The following TADA1 variants were observed in gnomAD, a reference collection of about 807,000 sequenced individuals.
The protein encoded by TADA1 is transcriptional adapter 1.
TADA1 carries 23 observed loss-of-function variants against 39.3 expected under a neutral mutation model. That is an observed-to-expected ratio of 0.58 (90% CI 0.42 to 0.83). The LOEUF (loss-of-function observed/expected upper bound fraction) is 0.83. Ranked by LOEUF, TADA1 falls within the 40% of genes least tolerant of loss-of-function variation. The probability of loss-of-function intolerance (pLI) is 0.00; values close to 1 mark genes in which losing one functional copy is unlikely to be tolerated. For missense variants in TADA1, 352 were observed against 408.1 expected (o/e 0.86, Z 1.18); for synonymous variants, 137 against 151.8 (o/e 0.90, Z 0.72).
At chr1:166,869,714 C>A in intron 2 of TADA1, 49 bp downstream of exon 2, 1 of 1,572,422 alleles carries the variant, frequency 6.4e-7, no homozygotes, top group South Asian at 1.1e-5. Flanking sequence ...TACTACAAAT[C>A]TAGGAAAACT....
In TADA1 at chr1:166,862,320, G is replaced by A. The variant is rs1250717313; in HGVS notation, c.423C>T (p.His141=). 5 of 1,614,056 alleles carry A rather than the reference G, an allele frequency of 3.1e-6. No homozygotes were observed. Among genetic ancestry groups the A allele is most frequent in the Admixed American group, 1.7e-5 (1 of 60,006 alleles). ...QDDDDLKLCS[H]TMMLPTRGQL... ...GGCCTCGAGTGGGAAGCATCATTGT[G>A]TGGGAACAAAGTTTCAAGTCGTCAT... The change falls in exon 5 of 8, where the codon CAC becomes CAT. Residue 141 remains histidine (H), a synonymous_variant. Coordinates refer to ENST00000367874, the MANE Select transcript of TADA1 (RefSeq NM_053053.4).
intron 1 of TADA1, among the ~76,000 whole-genome samples, chr1:166,875,733 C>T (rs1658748806): frequency 6.6e-6 from 1 of 152,266 alleles, no homozygotes; most frequent in Admixed American, 6.5e-5. Flanking sequence ...CTCAACAGGC[C>T]TCCACCTCCA....
chr1:166,857,443 C>T lies in TADA1; in HGVS notation c.*124G>A. ...CAGCAACACAAAATGTACTCAATGT[C>T]ACATTTCCATAGGAAAGGTTATATA... is the stretch of plus-strand genomic sequence containing the variant. On this transcript the variant is annotated 3_prime_UTR_variant, in exon 8 of 8. Coordinates refer to ENST00000367874, the MANE Select transcript of TADA1 (RefSeq NM_053053.4). The T allele has an allele frequency of 9.0e-7, 1 of 1,113,244 alleles. No individual in the cohort carries two copies. The highest frequency in any genetic ancestry group is 1.6e-5 in the African/African-American group (1 of 63,180). 69.0% of individuals were successfully genotyped at this position (1,113,244 alleles called of 1,614,324 possible).
intron 3 of TADA1, among the ~76,000 whole-genome samples, chr1:166,866,516 AT>A (rs1658539033): frequency 6.6e-6 from 1 of 152,138 alleles, no homozygotes; most frequent in South Asian, 2.1e-4. Context: ...AAACAACTAT[AT>A]TTTACTTGTA....
intron 4 of TADA1, 145 bp downstream of exon 4, chr1:166,863,679 C>T: frequency 1.4e-6 from 1 of 729,886 alleles, no homozygotes; most frequent in Non-Finnish European, 2.3e-6. Flanking sequence ...AACTCACAAT[C>T]CTTGAAACGC....
Position 166,876,240 on chromosome 1 carries a change from G to A in TADA1, c.-7C>T, listed in dbSNP as rs561805604. On this transcript the variant is annotated 5_prime_UTR_variant, in exon 1 of 8. Coordinates refer to ENST00000367874, the MANE Select transcript of TADA1 (RefSeq NM_053053.4). ...CGCTCACAAAGGTCGCCATTGCTCC[G>A]CGTGTCTCAGCCCGACCGCAGACCG... 3 of 1,612,474 alleles carry A rather than the reference G, an allele frequency of 1.9e-6. No individual in the cohort carries two copies. Among genetic ancestry groups the A allele is most frequent in the South Asian group, 1.1e-5 (1 of 90,574 alleles).
At chr1:166,869,181 G>A (rs1571241621) in intron 3 of TADA1, 1 of 445,804 alleles carries the variant, frequency 2.2e-6, no homozygotes, top group Non-Finnish European at 4.3e-6. Context: ...AAGGGGTTCA[G>A]GAGGTTTGGG....
chr1:166,874,393 A>G (rs1456582143), intron 1 of TADA1, among the ~76,000 whole-genome samples: 1 of 152,162 alleles, frequency 6.6e-6, no homozygotes, highest in African/African-American at 2.4e-5. Context: ...AAAAAGCTAC[A>G]GTAATTAGGG....
chr1:166,872,446 C>T lies in TADA1; in HGVS notation c.75-2592G>A, dbSNP rs138381236. ...CAGGACTTTAGCAGGCCAAGGCGGG[C>T]GGATCACCTGAGGTCAGGAGTTTGA... On this transcript the variant is annotated intron_variant, in intron 1 of 7. Coordinates refer to ENST00000367874, the MANE Select transcript of TADA1 (RefSeq NM_053053.4). Among the ~76,000 whole-genome samples the T allele has an allele frequency of 2.1e-4, 32 of 152,192 alleles. 1 individual carries two copies. In the East Asian group the frequency reaches 6.0e-3, roughly 29 times the overall value.
At position 166,856,542 on chromosome 1, in the gene TADA1, A is replaced by G. The variant is rs562359249; in HGVS notation, c.*1025T>C. On this transcript the variant is annotated 3_prime_UTR_variant, in exon 8 of 8. Coordinates refer to ENST00000367874, the MANE Select transcript of TADA1 (RefSeq NM_053053.4). The stretch of plus-strand genomic sequence containing the variant: ...CCAAAAGGTTTATTTGTCACATTTA[A>G]AGTACAAAATCAAATACACAGATCC... The G allele has an allele frequency of 6.6e-6, 1 of 152,182 alleles. No homozygotes were observed. The highest frequency in any genetic ancestry group is 2.1e-4 in the South Asian group (1 of 4,762). The allele number at this position is 152,182 out of a possible 1,614,324, so 9.4% of individuals were successfully genotyped here.
intron 6 of TADA1, among the ~76,000 whole-genome samples, chr1:166,859,926 C>G (rs956578109): frequency 1.3e-5 from 2 of 152,168 alleles, no homozygotes; most frequent in African/African-American, 4.8e-5. Context: ...TCCACTGCAC[C>G]TAAGAAAGTC....
At chr1:166,869,327 T>C (rs767513160) in intron 3 of TADA1, 118 bp downstream of exon 3, 1 of 727,248 alleles carries the variant, frequency 1.4e-6, no homozygotes, top group Non-Finnish European at 2.2e-6. Context: ...TAATAAAACT[T>C]TTCTTCTGAG....
At chr1:166,872,525 A>T (rs1658680572) in intron 1 of TADA1, among the ~76,000 whole-genome samples, 1 of 152,196 alleles carries the variant, frequency 6.6e-6, no homozygotes, top group South Asian at 2.1e-4. Context: ...TACAAAAATT[A>T]GCCAGGTGTG....
intron 1 of TADA1, among the ~76,000 whole-genome samples, chr1:166,870,843 G>A (rs1187879236): frequency 6.6e-6 from 1 of 152,020 alleles, no homozygotes; most frequent in Non-Finnish European, 1.5e-5. Context: ...CAAATAAAAG[G>A]GAATTGGCAG....
At chr1:166,869,576 G>T in intron 2 of TADA1, 66 bp from the exon 3 acceptor site, 1 of 1,552,940 alleles carries the variant, frequency 6.4e-7, no homozygotes, top group South Asian at 1.1e-5. Context: ...CCACAACTTT[G>T]GTCTAGCTTC....
intron 3 of TADA1, among the ~76,000 whole-genome samples, chr1:166,866,562 ATTTCAT>A (rs950605885): frequency 2.6e-5 from 4 of 152,256 alleles, no homozygotes; most frequent in African/African-American, 9.6e-5. Context: ...ACAAATATTA[ATTTCAT>A]TTTGAGAAAT....
intron 1 of TADA1, among the ~76,000 whole-genome samples, chr1:166,870,748 G>A (rs2101795565): frequency 6.6e-6 from 1 of 152,262 alleles, no homozygotes; most frequent in East Asian, 1.9e-4. Flanking sequence ...GGGACTGATT[G>A]AGCCCAGGAG....
intron 1 of TADA1, 58 bp downstream of exon 1, chr1:166,876,102 C>A: frequency 6.6e-7 from 1 of 1,520,764 alleles, no homozygotes; most frequent in Non-Finnish European, 8.9e-7. Context: ...GGCTGGCAGC[C>A]CGAGGCCAGG....
chr1:166,871,699 T>C (rs565067549), intron 1 of TADA1, among the ~76,000 whole-genome samples: 92 of 152,262 alleles, frequency 6.0e-4, no homozygotes, highest in African/African-American at 1.9e-3. Flanking sequence ...CATTAGTCAA[T>C]AGGTCAACAG....
Sources: allele counts gnomAD v4.1 joint callset (sites outside exome capture counted in the v4.1 genomes callset), GRCh38; gene constraint gnomAD v4.1.1; transcripts MANE v1.5; gene names NCBI Gene and HGNC (gene_info 2026-07-23, HGNC 2026-07-21).